KMT2C: variants seen among roughly 807,000 people sequenced by gnomAD.
KMT2C encodes the protein lysine methyltransferase 2C.
KMT2C carries 88 observed loss-of-function variants against 507.9 expected under a neutral mutation model. That is an observed-to-expected ratio of 0.17 (90% CI 0.15 to 0.21). KMT2C has a LOEUF of 0.21. KMT2C is among the 10% of genes least tolerant of loss of function. KMT2C has a pLI of 1.00. For missense variants in KMT2C, 4,954 were observed against 5,957.8 expected (o/e 0.83, Z 5.55); for synonymous variants, 2,049 against 2,080.8 (o/e 0.98, Z 0.42).
rs150255057 is a variant in KMT2C, at chr7:152,342,535, G to A, written c.251-11796C>T. On this transcript the variant is annotated intron_variant, in intron 2 of 58. Coordinates refer to ENST00000262189, the MANE Select transcript of KMT2C (RefSeq NM_170606.3). ...GGTCAATAAAGTCACAGGGCAAACAGGTACCCTCAGAACTGGAGGAATAGA... is the reference window on the plus strand; with the variant it reads ...GGTCAATAAAGTCACAGGGCAAACAAGTACCCTCAGAACTGGAGGAATAGA... Among the ~76,000 whole-genome samples, 118 of 152,236 alleles carry A rather than the reference G, an allele frequency of 7.8e-4. 1 individual carries two copies. Among genetic ancestry groups the A allele is most frequent in the Middle Eastern group, 6.8e-3 (2 of 294 alleles).
At chr7:152,286,277 T>G (rs2096295931) in intron 6 of KMT2C, among the ~76,000 whole-genome samples, 1 of 152,310 alleles carries the variant, frequency 6.6e-6, no homozygotes, top group South Asian at 2.1e-4. Flanking sequence ...TTTTCACAAA[T>G]TTGGTGAAAA....
rs139590230 is a variant in KMT2C, at chr7:152,165,034, A to C, written c.9751-1208T>G. On this transcript the variant is annotated intron_variant, in intron 42 of 58. Coordinates refer to ENST00000262189, the MANE Select transcript of KMT2C (RefSeq NM_170606.3). The stretch of plus-strand genomic sequence containing the variant: ...TCTTGGGTTCCCCAGGTAGACTAAT[A>C]CTTTCTGCAAATAATCGTGTTTCAT... Among the ~76,000 whole-genome samples the C allele has an allele frequency of 7.9e-5, 12 of 152,376 alleles. No individual in the cohort carries two copies. The East Asian group carries it at 2.1e-3, about 27-fold the overall frequency.
chr7:152,330,017 G>A lies in KMT2C; in HGVS notation c.389+584C>T, dbSNP rs190923811. 9.1e-4 allele frequency among the ~76,000 whole-genome samples: 138 copies of A among 151,616 alleles called. No individual in the cohort carries two copies. The East Asian group carries it at 0.021, about 23-fold the overall frequency. The stretch of plus-strand genomic sequence containing the variant: ...AAATTAGCTGGGCATGGTGGTGCAT[G>A]CCTATAATCCTAGCTACTCAGGAGC... On this transcript the variant is annotated intron_variant, in intron 3 of 58. Coordinates refer to ENST00000262189, the MANE Select transcript of KMT2C (RefSeq NM_170606.3).
intron 2 of KMT2C, among the ~76,000 whole-genome samples, chr7:152,348,395 G>C (rs555401869): frequency 2.0e-5 from 3 of 151,610 alleles, no homozygotes; most frequent in African/African-American, 7.3e-5. Flanking sequence ...TCAGGAGTTC[G>C]AGATCAGTCT....
chr7:152,219,796 G>A (rs1198120944), intron 23 of KMT2C, among the ~76,000 whole-genome samples: 6 of 152,090 alleles, frequency 3.9e-5, no homozygotes, highest in Admixed American at 3.3e-4. Flanking sequence ...GAGCCCAGGA[G>A]TTCCAGACCA....
intron 9 of KMT2C, among the ~76,000 whole-genome samples, chr7:152,255,125 A>ATATATATG (rs1554583762): frequency 5.8e-5 from 7 of 119,860 alleles, no homozygotes; most frequent in African/African-American, 2.6e-4. Flanking sequence ...ATATATATAT[A>ATATATATG]TATATATATA....
Position 152,171,325 on chromosome 7 carries a change from T to C in KMT2C, c.9392A>G (p.Gln3131Arg), listed in dbSNP as rs2092954161. The C allele has an allele frequency of 6.2e-7, 1 of 1,605,886 alleles. No individual in the cohort carries two copies. Among genetic ancestry groups the C allele is most frequent in the Non-Finnish European group, 8.5e-7 (1 of 1,176,040 alleles). ...MVMSRFPFMG[Q>R]VVTGTQNSEG... ...ACTGTTCTGTGTTCCAGTTACCACC[T>C]GGCCCATAAAAGGGAACCTGTCAAA... is the stretch of plus-strand genomic sequence containing the variant. Residue 3131 changes from glutamine to arginine, a missense_variant, in exon 40 of 59, where the codon CAG becomes CGG. Gln to Arg is a conservative substitution (Grantham distance 43). Coordinates refer to ENST00000262189, the MANE Select transcript of KMT2C (RefSeq NM_170606.3).
intron 44 of KMT2C, among the ~76,000 whole-genome samples, chr7:152,158,200 G>A (rs1327193278): frequency 6.6e-6 from 1 of 152,206 alleles, no homozygotes; most frequent in African/African-American, 2.4e-5. Flanking sequence ...CTGAGGCTGG[G>A]TACCACCAAC....
At chr7:152,342,642 C>T (rs906156166) in intron 2 of KMT2C, among the ~76,000 whole-genome samples, 4 of 152,104 alleles carry the variant, frequency 2.6e-5, no homozygotes, top group African/African-American at 7.2e-5. Context: ...ATTGACAAAA[C>T]GTTGGAGGTT....
chr7:152,251,774 A>G (rs779198008), intron 11 of KMT2C, among the ~76,000 whole-genome samples, 165 bp downstream of exon 11: 1 of 152,188 alleles, frequency 6.6e-6, no homozygotes, highest in Non-Finnish European at 1.5e-5. Flanking sequence ...CATCAGATTC[A>G]GAGATGACCA....
intron 6 of KMT2C, among the ~76,000 whole-genome samples, chr7:152,307,310 A>AAGG (rs2096629523): frequency 9.4e-6 from 1 of 106,200 alleles, no homozygotes; most frequent in Non-Finnish European, 1.9e-5. Context: ...AGGAAGGAAG[A>AAGG]CGAAGGACAG....
chr7:152,169,134 A>G, intron 41 of KMT2C, 52 bp downstream of exon 41: 1 of 1,093,454 alleles, frequency 9.1e-7, no homozygotes. Context: ...GCACACATAG[A>G]GTGCAGACAA....
At chr7:152,383,587 T>C (rs2097393981) in intron 1 of KMT2C, among the ~76,000 whole-genome samples, 1 of 152,206 alleles carries the variant, frequency 6.6e-6, no homozygotes, top group Admixed American at 6.5e-5. Flanking sequence ...GCACAGAGCA[T>C]ACACTTAGAT....
At chr7:152,182,882 TA>T in intron 35 of KMT2C, 91 bp downstream of exon 35, 1 of 935,558 alleles carries the variant, frequency 1.1e-6, no homozygotes, top group Non-Finnish European at 1.6e-6. Flanking sequence ...TTTCATGGTC[TA>T]AGAACTATAT....
chr7:152,426,293 A>C (rs1254928430), intron 1 of KMT2C, among the ~76,000 whole-genome samples: 2 of 138,306 alleles, frequency 1.4e-5, no homozygotes, highest in Non-Finnish European at 3.0e-5. Context: ...GCTGGAGTGC[A>C]GTGGCATGAT....
intron 14 of KMT2C, among the ~76,000 whole-genome samples, chr7:152,245,789 C>T (rs1382428181): frequency 2.0e-5 from 3 of 152,082 alleles, no homozygotes; most frequent in Non-Finnish European, 4.4e-5. Flanking sequence ...GGTAAATCTA[C>T]ATTTCTTTGG....
chr7:152,158,832 A>G (rs2092270146), intron 44 of KMT2C, 31 bp downstream of exon 44: 1 of 1,605,138 alleles, frequency 6.2e-7, no homozygotes, highest in Non-Finnish European at 8.5e-7. Context: ...TTGACTTTTA[A>G]AAGAGGCTGC....
intron 3 of KMT2C, among the ~76,000 whole-genome samples, chr7:152,326,028 G>A: frequency 6.6e-6 from 1 of 150,752 alleles, no homozygotes; most frequent in South Asian, 2.1e-4. Context: ...TATTAATCAT[G>A]TATCTGTATC....
At chr7:152,206,870 C>T (rs967449542) in intron 24 of KMT2C, among the ~76,000 whole-genome samples, 5 of 152,146 alleles carry the variant, frequency 3.3e-5, no homozygotes, top group Non-Finnish European at 7.4e-5. Flanking sequence ...TATTCCCCTT[C>T]ACACTGTATA....
Sources: gnomAD v4.1 joint callset for allele counts (sites outside exome capture counted in the v4.1 genomes callset) on GRCh38, gnomAD v4.1.1 for gene constraint, MANE v1.5 for transcripts, NCBI Gene and HGNC (gene_info 2026-07-23, HGNC 2026-07-21) for gene names.